ARFGAP2: variants seen among roughly 807,000 people sequenced by gnomAD.
ARFGAP2 encodes ADP-ribosylation factor GTPase-activating protein 2.
ARFGAP2 carries 45 observed loss-of-function variants against 71.9 expected under a neutral mutation model. The observed-to-expected ratio is 0.63, with a 90% CI of 0.49 to 0.80. The LOEUF (loss-of-function observed/expected upper bound fraction) is 0.80, where lower values mean the gene tolerates loss of function less well. ARFGAP2 is among the 30% of genes least tolerant of loss of function. ARFGAP2 has a pLI of 0.00. For synonymous variants in ARFGAP2, 248 were observed against 249.2 expected (o/e 1.00, Z 0.05); for missense variants, 633 against 673.9 (o/e 0.94, Z 0.67).
At chr11:47,166,102 G>A (rs1952363143) in intron 15 of ARFGAP2, among the ~76,000 whole-genome samples, 166 bp downstream of exon 15, 1 of 152,148 alleles carries the variant, frequency 6.6e-6, no homozygotes, top group South Asian at 2.1e-4. Flanking sequence ...GACCTCAAGT[G>A]ATCCACCCAT....
At chr11:47,172,846 G>T in intron 7 of ARFGAP2, 1 of 1,151,730 alleles carries the variant, frequency 8.7e-7, no homozygotes. Context: ...CCCTGCTTCA[G>T]ACCAAGCTAT....
At chr11:47,175,413 T>C (rs769715921) in intron 3 of ARFGAP2, 100 bp from the exon 4 acceptor site, 2 of 1,567,298 alleles carry the variant, frequency 1.3e-6, no homozygotes, top group Non-Finnish European at 1.8e-6. Context: ...GAAGTTATTA[T>C]CTATACAGGA....
chr11:47,172,445 G>A, intron 7 of ARFGAP2, 112 bp from the exon 8 acceptor site: 1 of 1,342,604 alleles, frequency 7.4e-7, no homozygotes, highest in Non-Finnish European at 1.1e-6. Context: ...CTTCAGGCAA[G>A]GGAAGGCAAA....
chr11:47,173,054 C>G, intron 7 of ARFGAP2: 1 of 371,678 alleles, frequency 2.7e-6, no homozygotes, highest in South Asian at 2.3e-5. Context: ...TCACCTCCAG[C>G]CTTCGGCAGC....
intron 7 of ARFGAP2, chr11:47,172,726 C>A (rs1382783220): frequency 7.7e-7 from 1 of 1,298,178 alleles, no homozygotes; most frequent in Non-Finnish European, 1.0e-6. Flanking sequence ...CAGGAAGGGC[C>A]CCTTTAGCTG....
At chr11:47,170,471 C>T (rs1952556297) in intron 10 of ARFGAP2, among the ~76,000 whole-genome samples, 1 of 151,920 alleles carries the variant, frequency 6.6e-6, no homozygotes, top group Admixed American at 6.6e-5. Flanking sequence ...CATGGTGAAA[C>T]CCCATCTCTA....
intron 8 of ARFGAP2, 132 bp from the exon 9 acceptor site, chr11:47,171,932 C>T (rs1248299402): frequency 7.6e-7 from 1 of 1,309,080 alleles, no homozygotes; most frequent in Non-Finnish European, 1.0e-6. Flanking sequence ...AGGAGCCCAA[C>T]CAGCATGGCC....
rs1174780525 is a variant in ARFGAP2 at position 47,171,408 on chromosome 11, C to T, written c.941+18G>A. On this transcript the variant is annotated intron_variant, in intron 10 of 15. Transcript: ENST00000524782. ...AAAACAACGGCATTTCCCTGCCACA[C>T]CCGGAGCTGAGCCTCACCTTCGGGA... is the stretch of plus-strand genomic sequence containing the variant. The T allele has an allele frequency of 6.2e-7, 1 of 1,613,708 alleles. No homozygotes were observed. Among genetic ancestry groups the T allele is most frequent in the Non-Finnish European group, 8.5e-7 (1 of 1,179,736 alleles).
intron 5 of ARFGAP2, chr11:47,174,796 A>G (rs1835716015): frequency 1.8e-6 from 1 of 568,446 alleles, no homozygotes; most frequent in Non-Finnish European, 3.1e-6. Context: ...CGCCAGCCCA[A>G]TTTATAGGAG....
Position 47,165,508 on chromosome 11 carries a change from G to A in ARFGAP2, c.1546-6C>T. On this transcript the variant is annotated splice_polypyrimidine_tract_variant and splice_region_variant and intron_variant, in intron 15 of 15. Coordinates refer to ENST00000524782, the MANE Select transcript of ARFGAP2 (RefSeq NM_032389.6). ...CAGTAGGAACCGTAGCGATCCTGGG[G>A]GCGAGGGGGGAGAAAAAAAAAAAAA... The A allele has an allele frequency of 1.3e-6, 2 of 1,546,950 alleles. No individual in the cohort carries two copies. Among genetic ancestry groups the A allele is most frequent in the Non-Finnish European group, 8.7e-7 (1 of 1,152,486 alleles).
chr11:47,175,577 C>A, intron 3 of ARFGAP2: 1 of 632,560 alleles, frequency 1.6e-6, no homozygotes, highest in Admixed American at 2.8e-5. Context: ...CCTCCCCATC[C>A]TTCATCCAGG....
Position 47,171,732 on chromosome 11 carries a change from C to G in ARFGAP2, c.741G>C (p.Gln247His). ...SSQSFSEIER[Q>H]AQVAEKLREQ... is the part of the protein sequence containing the mutation. ...CACGGAGCTTCTCTGCCACCTGAGC[C>G]TGCCGCTCAATCTCACTGAAGCTCT... Residue 247 changes from glutamine (Q) to histidine (H), a missense_variant, in exon 9 of 16, where the codon CAG becomes CAC. Coordinates refer to ENST00000524782, the MANE Select transcript of ARFGAP2 (RefSeq NM_032389.6). The G allele has an allele frequency of 6.2e-7, 1 of 1,614,008 alleles. No individual in the cohort carries two copies. Among genetic ancestry groups the G allele is most frequent in the Non-Finnish European group, 8.5e-7 (1 of 1,180,040 alleles).
rs201822018 is a variant in ARFGAP2, at chr11:47,166,911, C to T, written c.1206-25G>A. ...TCTGAGGGGAAGATGTGGAATATCT[C>T]GGACTCCTCCCATTATCATCAGGGG... On this transcript the variant is annotated intron_variant, in intron 12 of 15. Transcript: ENST00000524782. 2.4e-4 allele frequency: 390 copies of T among 1,606,884 alleles called. 4 individuals are homozygous for T. In the East Asian group the frequency reaches 5.3e-3, roughly 22 times the overall value.
At chr11:47,174,962 G>A (rs1952741074) in intron 5 of ARFGAP2, 53 bp downstream of exon 5, 2 of 1,581,040 alleles carry the variant, frequency 1.3e-6, no homozygotes, top group Non-Finnish European at 1.7e-6. Flanking sequence ...CCTGGGCCTT[G>A]GTAAATTGCC....
At chr11:47,172,806 G>A (rs528774566) in intron 7 of ARFGAP2, 30 of 1,282,170 alleles carry the variant, frequency 2.3e-5, no homozygotes, top group Non-Finnish European at 3.0e-5. Context: ...AGCCTCCACA[G>A]AGCTCCCAAG....
At chr11:47,176,376 C>T (rs1052702478) in intron 2 of ARFGAP2, 140 bp downstream of exon 2, 2 of 818,304 alleles carry the variant, frequency 2.4e-6, no homozygotes, top group African/African-American at 1.7e-5. Context: ...TTCCCTCTGG[C>T]AGGAGGCTAC....
In ARFGAP2 at chr11:47,166,278, T is replaced by TTCA; in HGVS notation, c.1532_1534dup (p.Met511dup). 1 of 1,614,170 alleles carries TTCA rather than the reference T, an allele frequency of 6.2e-7. No homozygotes were observed. The highest frequency in any genetic ancestry group is 8.5e-7 in the Non-Finnish European group (1 of 1,180,018). On this transcript the variant is annotated inframe_insertion, in exon 15 of 16. Coordinates refer to ENST00000524782, the MANE Select transcript of ARFGAP2 (RefSeq NM_032389.6). ...CCACTTCAGCCTCACCTGCAAGGAA[T>TTCA]TCATCACACCATTGGCCAGCACAGC...
At chr11:47,171,365 C>T in intron 10 of ARFGAP2, 61 bp downstream of exon 10, 1 of 1,599,802 alleles carries the variant, frequency 6.3e-7, no homozygotes, top group South Asian at 1.1e-5. Flanking sequence ...GCTAGGAAGG[C>T]CCCGCAATGG....
chr11:47,175,432 G>A (rs774696647), intron 3 of ARFGAP2, 119 bp from the exon 4 acceptor site: 6 of 1,442,234 alleles, frequency 4.2e-6, no homozygotes, highest in African/African-American at 1.4e-5. Flanking sequence ...GATGATACAC[G>A]CTACTGACAC....
Sources: allele counts gnomAD v4.1 joint callset (sites outside exome capture counted in the v4.1 genomes callset), GRCh38; gene constraint gnomAD v4.1.1; transcripts MANE v1.5; gene names NCBI Gene and HGNC (gene_info 2026-07-23, HGNC 2026-07-21).